Variants in ADAMTS18 observed in about 807,000 individuals in gnomAD.
The protein encoded by ADAMTS18 is ADAM metallopeptidase with thrombospondin type 1 motif 18.
A neutral mutation model predicts 165.9 loss-of-function variants in ADAMTS18; 157 were observed. The ratio of observed to expected loss-of-function variants is 0.95; its 90% confidence interval spans 0.83 to 1.08. ADAMTS18 has a LOEUF of 1.08. Ranked by LOEUF, ADAMTS18 falls within the 50% of genes least tolerant of loss-of-function variation. ADAMTS18 has a pLI of 0.00. For missense variants in ADAMTS18, 2,040 were observed against 1,534.0 expected (o/e 1.33, Z -5.51); for synonymous variants, 782 against 578.2 (o/e 1.35, Z -5.06).
intron 13 of ADAMTS18, among the ~76,000 whole-genome samples, chr16:77,324,543 C>T (rs1032588087): frequency 1.3e-5 from 2 of 152,112 alleles, no homozygotes; most frequent in African/African-American, 4.8e-5. Flanking sequence ...CCTTGTGGAA[C>T]CTAAATTCTT....
chr16:77,319,792 T>A, intron 16 of ADAMTS18, 57 bp downstream of exon 16: 1 of 1,612,552 alleles, frequency 6.2e-7, no homozygotes, highest in Non-Finnish European at 8.5e-7. Flanking sequence ...CAAATTGCAG[T>A]CAACGATATA....
intron 2 of ADAMTS18, chr16:77,432,441 TA>T (rs1187781861): frequency 6.6e-6 from 1 of 152,222 alleles, no homozygotes. Flanking sequence ...AGAGCAGTAC[TA>T]ATTGCTGAAT....
At chr16:77,434,364 A>G (rs1009508343) in intron 2 of ADAMTS18, 54 bp downstream of exon 2, 7 of 1,530,860 alleles carry the variant, frequency 4.6e-6, no homozygotes, top group African/African-American at 1.4e-5. Context: ...TGGGGGAAGG[A>G]AGGGTCAAAG....
intron 16 of ADAMTS18, among the ~76,000 whole-genome samples, chr16:77,314,971 T>C (rs2562123): frequency 0.6 from 90,063 of 149,092 alleles, 27,682 homozygotes; most frequent in Non-Finnish European, 0.65. Context: ...GAAACTTGCC[T>C]AAGTTATGTA....
rs2056677251 is a variant in ADAMTS18, at chr16:77,359,364, T to C, written c.1276A>G (p.Thr426Ala). 2.5e-6 allele frequency: 4 copies of C among 1,614,062 alleles called. No individual in the cohort carries two copies. The highest frequency in any genetic ancestry group is 3.4e-6 in the Non-Finnish European group (4 of 1,180,032). ...ATGGTGAAGGCAAGGCCAAGTCCTG[T>C]GTCCTCATTGATGGTACAACTTCGG... ...KYRSCTINED[T>A]GLGLAFTIAH... Residue 426 changes from threonine (T) to alanine (A), a missense_variant, in exon 8 of 23, where the codon ACA becomes GCA. Physicochemically the swap from Thr to Ala is moderately conservative, Grantham distance 58 (BLOSUM62 0). Coordinates refer to ENST00000282849, the MANE Select transcript of ADAMTS18 (RefSeq NM_199355.4).
At chr16:77,386,819 T>C (rs901086405) in intron 3 of ADAMTS18, among the ~76,000 whole-genome samples, 8 of 152,178 alleles carry the variant, frequency 5.3e-5, no homozygotes, top group African/African-American at 1.9e-4. Flanking sequence ...ATGTAACTTA[T>C]TACATGCAAA....
intron 10 of ADAMTS18, among the ~76,000 whole-genome samples, chr16:77,346,568 G>A (rs2056480122): frequency 6.6e-6 from 1 of 152,016 alleles, no homozygotes; most frequent in African/African-American, 2.4e-5. Context: ...TCATCATTGT[G>A]GCCACATGAC....
At chr16:77,400,043 A>G (rs2057305557) in intron 3 of ADAMTS18, among the ~76,000 whole-genome samples, 1 of 152,178 alleles carries the variant, frequency 6.6e-6, no homozygotes, top group Non-Finnish European at 1.5e-5. Context: ...CTGGTTAATC[A>G]ACGCCCCATA....
At chr16:77,395,537 G>T (rs535732356) in intron 3 of ADAMTS18, among the ~76,000 whole-genome samples, 1 of 152,042 alleles carries the variant, frequency 6.6e-6, no homozygotes, top group Non-Finnish European at 1.5e-5. Flanking sequence ...TCAGGGCTGC[G>T]TTCACTCCCC....
Position 77,345,063 on chromosome 16 carries a change from T to A in ADAMTS18, c.1615-3264A>T, listed in dbSNP as rs984510634. On this transcript the variant is annotated intron_variant, in intron 10 of 22. Transcript: ENST00000282849. Reference sequence around the variant, plus strand: ...TCCAAGGTCTCATGTTGCCTGCATATGATTTTTTTAAACTAGGCAACATTT... The same window carrying A: ...TCCAAGGTCTCATGTTGCCTGCATAAGATTTTTTTAAACTAGGCAACATTT... Among the ~76,000 whole-genome samples, 7 of 152,130 alleles carry A rather than the reference T, an allele frequency of 4.6e-5. No homozygotes were observed. The East Asian group carries it at 1.4e-3, about 29-fold the overall frequency.
intron 3 of ADAMTS18, among the ~76,000 whole-genome samples, chr16:77,426,052 C>T (rs1464160170): frequency 3.3e-5 from 5 of 151,840 alleles, no homozygotes; most frequent in Admixed American, 3.3e-4. Flanking sequence ...AACAAACAAA[C>T]AAACAGAAAC....
At position 77,300,311 on chromosome 16, in the gene ADAMTS18, A is replaced by G; in HGVS notation, c.2626T>C (p.Tyr876His). The change falls in exon 17 of 23, where the codon TAT (tyrosine) becomes CAT (histidine). Residue 876 changes from tyrosine to histidine, a missense_variant. Coordinates refer to ENST00000282849, the MANE Select transcript of ADAMTS18 (RefSeq NM_199355.4). Reference sequence around the variant, plus strand: ...TCTGACTGCACGATACTCCAGGTATAGGCAGGTCTTTTTGTGGCTGGTGGA... The same window carrying G: ...TCTGACTGCACGATACTCCAGGTATGGGCAGGTCTTTTTGTGGCTGGTGGA... Reference protein sequence around the residue: ...GTPPATKRPAYTWSIVQSECS... With the variant: ...GTPPATKRPAHTWSIVQSECS... The G allele has an allele frequency of 6.2e-7, 1 of 1,614,190 alleles. No individual in the cohort carries two copies.
chr16:77,291,754 T>C (rs76178270), intron 20 of ADAMTS18, among the ~76,000 whole-genome samples: 8 of 152,134 alleles, frequency 5.3e-5, no homozygotes, highest in Admixed American at 5.2e-4. Context: ...GGATGCCACA[T>C]GGGTGTGAGA....
At chr16:77,379,280 A>C (rs550877905) in intron 3 of ADAMTS18, among the ~76,000 whole-genome samples, 84 of 152,276 alleles carry the variant, frequency 5.5e-4, no homozygotes, top group African/African-American at 1.9e-3. Context: ...TCAATCTCTT[A>C]TCCTCCTGCT....
intron 8 of ADAMTS18, among the ~76,000 whole-genome samples, chr16:77,358,867 G>A (rs2056669890): frequency 1.3e-5 from 2 of 152,156 alleles, no homozygotes; most frequent in African/African-American, 4.8e-5. Context: ...AAGATTTAGT[G>A]ACACCAATCA....
intron 10 of ADAMTS18, among the ~76,000 whole-genome samples, chr16:77,349,863 T>C (rs1354750107): frequency 6.6e-6 from 1 of 152,172 alleles, no homozygotes; most frequent in African/African-American, 2.4e-5. Context: ...AATTTAAATA[T>C]CTTCCCCACG....
intron 3 of ADAMTS18, among the ~76,000 whole-genome samples, chr16:77,370,829 C>A (rs4888624): frequency 0.87 from 131,724 of 151,926 alleles, 57,427 homozygotes; most frequent in African/African-American, 0.95. Flanking sequence ...ACACACAAAT[C>A]AATTTAACCA....
intron 12 of ADAMTS18, among the ~76,000 whole-genome samples, chr16:77,327,284 C>T (rs550816420): frequency 4.2e-4 from 64 of 152,100 alleles, no homozygotes; most frequent in Admixed American, 9.8e-4. Context: ...ACCCCTCACC[C>T]GATCAGTGTA....
At chr16:77,284,270 C>T (rs1347057415) in intron 22 of ADAMTS18, among the ~76,000 whole-genome samples, 199 bp from the exon 23 acceptor site, 2 of 151,866 alleles carry the variant, frequency 1.3e-5, no homozygotes, top group African/African-American at 2.4e-5. Flanking sequence ...GGACTATAGG[C>T]AAGTGCCACC....
Sources: allele counts gnomAD v4.1 joint callset (sites outside exome capture counted in the v4.1 genomes callset), GRCh38; gene constraint gnomAD v4.1.1; transcripts MANE v1.5; gene names NCBI Gene and HGNC (gene_info 2026-07-23, HGNC 2026-07-21).